STXBP5L: variants seen among roughly 807,000 people sequenced by gnomAD.
The protein encoded by STXBP5L is syntaxin-binding protein 5-like.
STXBP5L carries 65 observed loss-of-function variants against 144.5 expected under a neutral mutation model. That is an observed-to-expected ratio of 0.45 (90% CI 0.37 to 0.55). STXBP5L has a LOEUF of 0.55. STXBP5L is among the 20% of genes least tolerant of loss of function. STXBP5L has a pLI of 0.00. For synonymous variants in STXBP5L, 505 were observed against 469.6 expected (o/e 1.08, Z -0.97); for missense variants, 1,298 against 1,405.5 (o/e 0.92, Z 1.22).
intron 10 of STXBP5L, among the ~76,000 whole-genome samples, chr3:121,208,118 T>C (rs964660783): frequency 2.6e-5 from 4 of 151,988 alleles, no homozygotes; most frequent in Non-Finnish European, 5.9e-5. Flanking sequence ...ATTAAGAAAA[T>C]GTGGCACATA....
Position 121,257,257 on chromosome 3 carries a change from T to A in STXBP5L, c.1756T>A (p.Ser586Thr). 6.2e-7 allele frequency: 1 copy of A among 1,613,938 alleles called. No homozygotes were observed. Residue 586 changes from serine to threonine, a missense_variant, in exon 17 of 27, where the codon TCT becomes ACT. Ser to Thr is a moderately conservative substitution (Grantham distance 58, BLOSUM62 1). Transcript: ENST00000471454. The stretch of plus-strand genomic sequence containing the variant: ...TCCAGATCTCTCAGCCCAGCTTCCT[T>A]CTTCAAGGAGTCTTTCTGGGAGCAC... ...PFPDLSAQLPSSRSLSGSTNT... is the reference protein window; with the variant it reads ...PFPDLSAQLPTSRSLSGSTNT...
intron 3 of STXBP5L, among the ~76,000 whole-genome samples, chr3:120,967,879 T>A (rs534622907): frequency 6.6e-6 from 1 of 152,188 alleles, no homozygotes; most frequent in Non-Finnish European, 1.5e-5. Context: ...TTTAGGAATA[T>A]GTTGCTTAAT....
chr3:121,232,809 G>A (rs746217128), intron 11 of STXBP5L, among the ~76,000 whole-genome samples: 10 of 152,170 alleles, frequency 6.6e-5, no homozygotes, highest in Non-Finnish European at 1.2e-4. Context: ...AGGTTTTATA[G>A]TCAGCGCGTA....
At chr3:121,295,819 T>G (rs2051628945) in intron 19 of STXBP5L, among the ~76,000 whole-genome samples, 1 of 152,188 alleles carries the variant, frequency 6.6e-6, no homozygotes, top group African/African-American at 2.4e-5. Flanking sequence ...TGAAAACATT[T>G]AGAACACAAT....
At chr3:121,293,955 A>G (rs1253917327) in intron 19 of STXBP5L, among the ~76,000 whole-genome samples, 1 of 152,260 alleles carries the variant, frequency 6.6e-6, no homozygotes, top group East Asian at 1.9e-4. Flanking sequence ...GGAAGCTGAC[A>G]TAGTCATGCG....
At chr3:121,097,153 C>T (rs1310708005) in intron 5 of STXBP5L, among the ~76,000 whole-genome samples, 2 of 152,208 alleles carry the variant, frequency 1.3e-5, no homozygotes, top group African/African-American at 4.8e-5. Context: ...GCTACTCAAG[C>T]TGCACCAGTG....
intron 20 of STXBP5L, among the ~76,000 whole-genome samples, chr3:121,344,062 T>G (rs1193505553): frequency 6.6e-6 from 1 of 151,736 alleles, no homozygotes; most frequent in Admixed American, 6.6e-5. Context: ...TATAGATCAA[T>G]GGAACACAAC....
At chr3:121,016,746 A>G (rs1181702921) in intron 3 of STXBP5L, among the ~76,000 whole-genome samples, 4 of 152,212 alleles carry the variant, frequency 2.6e-5, no homozygotes, top group African/African-American at 9.6e-5. Flanking sequence ...GGACAGATAG[A>G]TAATCTGAAT....
At chr3:121,371,206 C>A (rs1358108350) in intron 20 of STXBP5L, among the ~76,000 whole-genome samples, 1 of 152,022 alleles carries the variant, frequency 6.6e-6, no homozygotes, top group Non-Finnish European at 1.5e-5. Flanking sequence ...TATTTGATGA[C>A]CTTGGGGGTT....
At chr3:121,321,407 T>G (rs1403094942) in intron 20 of STXBP5L, among the ~76,000 whole-genome samples, 1 of 151,778 alleles carries the variant, frequency 6.6e-6, no homozygotes, top group Non-Finnish European at 1.5e-5. Context: ...AGAATGATAA[T>G]TAATTGTGCT....
chr3:121,223,197 T>C lies in STXBP5L; in HGVS notation c.1111+40T>C. 1.9e-6 allele frequency: 3 copies of C among 1,550,988 alleles called. No individual in the cohort carries two copies. In the South Asian group the frequency reaches 3.7e-5, roughly 19 times the overall value. ...TGAAACTATTAATGTTGAAAATCAT[T>C]TTGGAAATGACAAGTTTCTAACAAA... On this transcript the variant is annotated intron_variant, in intron 11 of 26. Coordinates refer to ENST00000471454, the MANE Select transcript of STXBP5L (RefSeq NM_001308330.2).
intron 7 of STXBP5L, among the ~76,000 whole-genome samples, chr3:121,126,849 T>C (rs2044725778): frequency 6.6e-6 from 1 of 152,228 alleles, no homozygotes; most frequent in Non-Finnish European, 1.5e-5. Context: ...TCTTGGCTTT[T>C]TCAGAGGCTG....
At chr3:121,293,030 GA>G (rs954779070) in intron 19 of STXBP5L, among the ~76,000 whole-genome samples, 8 of 150,464 alleles carry the variant, frequency 5.3e-5, no homozygotes, top group South Asian at 4.2e-4. Flanking sequence ...CTATTAAAAC[GA>G]AAAAAAAATT....
intron 9 of STXBP5L, among the ~76,000 whole-genome samples, chr3:121,187,910 C>A (rs1411148421): frequency 6.6e-6 from 1 of 150,842 alleles, no homozygotes; most frequent in Non-Finnish European, 1.5e-5. Context: ...TCTGATAAAA[C>A]AGACTTTAAA....
intron 20 of STXBP5L, among the ~76,000 whole-genome samples, chr3:121,342,637 C>A (rs376915531): frequency 7.9e-5 from 12 of 151,798 alleles, no homozygotes; most frequent in African/African-American, 2.7e-4. Context: ...GAGAATGATG[C>A]TTTCCAATTT....
intron 19 of STXBP5L, among the ~76,000 whole-genome samples, chr3:121,284,483 T>C (rs2051165414): frequency 6.6e-6 from 1 of 152,102 alleles, no homozygotes. Flanking sequence ...CCTAGATTCA[T>C]TTGTATGGCT....
intron 9 of STXBP5L, among the ~76,000 whole-genome samples, chr3:121,169,649 A>G (rs1045597039): frequency 6.6e-6 from 1 of 152,208 alleles, no homozygotes; most frequent in African/African-American, 2.4e-5. Flanking sequence ...AGAGCTAACA[A>G]TCCCAAATAT....
intron 9 of STXBP5L, among the ~76,000 whole-genome samples, chr3:121,171,863 T>G (rs1490713503): frequency 6.6e-6 from 1 of 152,156 alleles, no homozygotes; most frequent in Non-Finnish European, 1.5e-5. Context: ...TTAAGTTTCA[T>G]ATGGAAGCAA....
intron 3 of STXBP5L, among the ~76,000 whole-genome samples, chr3:120,978,938 G>T (rs1156640738): frequency 1.3e-5 from 2 of 152,168 alleles, no homozygotes; most frequent in East Asian, 1.9e-4. Flanking sequence ...GCCGTGTGAG[G>T]TGTCAGTCTG....
Sources: allele counts gnomAD v4.1 joint callset (sites outside exome capture counted in the v4.1 genomes callset), GRCh38; gene constraint gnomAD v4.1.1; transcripts MANE v1.5; gene names NCBI Gene and HGNC (gene_info 2026-07-23, HGNC 2026-07-21).